Variants in PIK3CD observed in about 807,000 individuals in gnomAD.
PIK3CD encodes phosphatidylinositol-4,5-bisphosphate 3-kinase catalytic subunit delta.
In PIK3CD, 20 loss-of-function variants were observed where a neutral mutation model predicts 122.9. The observed-to-expected ratio is 0.16, with a 90% CI of 0.11 to 0.24. The LOEUF (loss-of-function observed/expected upper bound fraction) is 0.24, where lower values mean the gene tolerates loss of function less well. Among genes scored for constraint, PIK3CD ranks in the 10% least tolerant of loss-of-function variants. The pLI, the probability that PIK3CD is intolerant of heterozygous loss-of-function variation, is 1.00. For synonymous variants in PIK3CD, 596 were observed against 593.4 expected, an observed-to-expected ratio of 1.00 and a Z score of -0.06; for missense variants, 787 against 1,406.3, an observed-to-expected ratio of 0.56 and a Z score of 7.04.
intron 1 of PIK3CD, among the ~76,000 whole-genome samples, chr1:9,671,167 A>G (rs756348647): frequency 6.6e-6 from 1 of 152,094 alleles, no homozygotes; most frequent in South Asian, 2.1e-4. Context: ...TGGTGCAATC[A>G]TATCTCACTA....
chr1:9,688,858 T>G (rs978682929), intron 1 of PIK3CD, among the ~76,000 whole-genome samples: 6 of 151,698 alleles, frequency 4.0e-5, no homozygotes, highest in Non-Finnish European at 5.9e-5. Flanking sequence ...GCCCAGAGTT[T>G]TTTTTAAGTG....
the PIK3CD span, among the ~76,000 whole-genome samples, chr1:9,640,423 T>C: frequency 6.6e-6 from 1 of 151,550 alleles, no homozygotes; most frequent in East Asian, 1.9e-4. Context: ...CTCCTAAAAA[T>C]ACAAAAATTA....
In PIK3CD at chr1:9,689,808, G is replaced by C. The variant is rs1413715202; in HGVS notation, c.-137-1659G>C. The stretch of plus-strand genomic sequence containing the variant: ...GGCGTCCCACCCCGCCCAGCCCCGG[G>C]CTTTGTCCGCCTGGGGCGGGGTGGG... On this transcript the variant is annotated intron_variant, in intron 1 of 23. Transcript: ENST00000377346. This position sits in a 1 kb window ranked among gnomAD's most constrained non-coding sequence, Gnocchi z 6.1. Among the ~76,000 whole-genome samples the C allele has an allele frequency of 6.6e-6, 1 of 151,914 alleles. No homozygotes were observed. The highest frequency in any genetic ancestry group is 1.5e-5 in the Non-Finnish European group (1 of 67,872).
At chr1:9,693,271 C>G (rs371264287) in intron 2 of PIK3CD, among the ~76,000 whole-genome samples, 6 of 152,284 alleles carry the variant, frequency 3.9e-5, no homozygotes, top group Middle Eastern at 3.4e-3. Context: ...GTCACCCAGG[C>G]TGGAGTGCAG....
intron 1 of PIK3CD, among the ~76,000 whole-genome samples, chr1:9,660,315 C>T (rs1270736365): frequency 1.3e-5 from 2 of 152,200 alleles, no homozygotes. Flanking sequence ...TGGACAGAGA[C>T]CTGTTGAAGT....
rs1648827413 is a variant in PIK3CD at position 9,722,442 on chromosome 1, T to C, written c.2347+86T>C. The stretch of plus-strand genomic sequence containing the variant: ...TAGAGTGGGGGTGGAGAAGACAGAA[T>C]CCTGGGACTTAAGGGCTTGGGTGTA... On this transcript the variant is annotated intron_variant, in intron 18 of 23. Transcript: ENST00000377346. This position sits in a 1 kb window ranked among gnomAD's most constrained non-coding sequence, Gnocchi z 7.6. 2 of 1,540,192 alleles carry C rather than the reference T, an allele frequency of 1.3e-6. No individual in the cohort carries two copies. Among genetic ancestry groups the C allele is most frequent in the Non-Finnish European group, 1.8e-6 (2 of 1,114,062 alleles).
At chr1:9,627,836 A>G in the PIK3CD span, among the ~76,000 whole-genome samples, 1 of 152,200 alleles carries the variant, frequency 6.6e-6, no homozygotes, top group African/African-American at 2.4e-5. Context: ...GCTAAAGGCC[A>G]GGGGGCCTCT....
chr1:9,627,707 A>C, the PIK3CD span, among the ~76,000 whole-genome samples: 26 of 152,270 alleles, frequency 1.7e-4, no homozygotes, highest in Middle Eastern at 6.8e-3. Context: ...TCTCCTGCAC[A>C]AAGGGAAGGG....
chr1:9,674,364 G>T (rs1056171801), intron 1 of PIK3CD, among the ~76,000 whole-genome samples: 6 of 152,158 alleles, frequency 3.9e-5, no homozygotes, highest in African/African-American at 1.4e-4. Context: ...CCTGTGCCAG[G>T]CAGTGTACTG....
At chr1:9,699,966 T>A (rs1490879552) in intron 2 of PIK3CD, among the ~76,000 whole-genome samples, 1 of 152,148 alleles carries the variant, frequency 6.6e-6, no homozygotes, top group Non-Finnish European at 1.5e-5. Flanking sequence ...TTCTCTCACT[T>A]GAGCCTCAAC....
At chr1:9,713,765 T>C (rs930939193) in intron 3 of PIK3CD, among the ~76,000 whole-genome samples, 3 of 151,584 alleles carry the variant, frequency 2.0e-5, no homozygotes, top group Admixed American at 2.0e-4. Flanking sequence ...TAATTTTATT[T>C]TTTATTATTA....
chr1:9,632,894 C>G, the PIK3CD span, among the ~76,000 whole-genome samples: 2 of 148,286 alleles, frequency 1.3e-5, no homozygotes, highest in Non-Finnish European at 3.0e-5. Context: ...CAGAGTCTCG[C>G]TCTGTTGCCC....
Position 9,715,591 on chromosome 1 carries a change from C to A in PIK3CD, c.192C>A (p.Gly64=), listed in dbSNP as rs1351839783. ...QYEPLFHMLS[G]PEAYVFTCIN... is the part of the protein sequence containing the mutation. ...AGCCGCTCTTCCACATGCTCAGTGG[C>A]CCCGAGGCCTATGTGTTCACCTGCA... Residue 64 remains glycine (G), a synonymous_variant, in exon 4 of 24, where the codon GGC becomes GGA. Transcript: ENST00000377346. This position sits in a 1 kb window ranked among gnomAD's most constrained non-coding sequence, Gnocchi z 4.1. 5 of 1,613,694 alleles carry A rather than the reference C, an allele frequency of 3.1e-6. No individual in the cohort carries two copies. Among genetic ancestry groups the A allele is most frequent in the Admixed American group, 1.7e-5 (1 of 60,008 alleles).
chr1:9,674,033 G>A (rs1045610941), intron 1 of PIK3CD, among the ~76,000 whole-genome samples: 13 of 152,204 alleles, frequency 8.5e-5, no homozygotes, highest in African/African-American at 3.1e-4. Context: ...CATTGGCCAG[G>A]GTGTTTGGTA....
intron 1 of PIK3CD, chr1:9,654,157 G>T: frequency 7.6e-7 from 1 of 1,312,580 alleles, no homozygotes; most frequent in South Asian, 1.2e-5. Context: ...CCGCCCTTCA[G>T]CCCCTGTTCA....
At position 9,722,044 on chromosome 1, in the gene PIK3CD, C is replaced by T; in HGVS notation, c.2125C>T (p.Pro709Ser). The T allele has an allele frequency of 6.2e-7, 1 of 1,613,728 alleles. No homozygotes were observed. The highest frequency in any genetic ancestry group is 8.5e-7 in the Non-Finnish European group (1 of 1,180,020). The change falls in exon 17 of 24, where the codon CCC (proline) becomes TCC (serine). Residue 709 changes from proline (P) to serine (S), a missense_variant. Physicochemically the swap from Pro to Ser is moderately conservative, Grantham distance 74. Transcript: ENST00000377346. The surrounding 1 kb of genome is among the most constrained non-coding windows in gnomAD (Gnocchi z 7.6). ...GCTGAGCTCTCAGAAGACCCCCAAG[C>T]CCCAGACCAAGGAGCTGATGCACTT... is the stretch of plus-strand genomic sequence containing the variant. ...VKLSSQKTPKPQTKELMHLCM... is the reference protein window; with the variant it reads ...VKLSSQKTPKSQTKELMHLCM...
rs186788190 is a variant in PIK3CD at position 9,702,760 on chromosome 1, A to T, written c.-32-7664A>T. 6.6e-5 allele frequency among the ~76,000 whole-genome samples: 10 copies of T among 151,896 alleles called. No individual in the cohort carries two copies. In the East Asian group the frequency reaches 1.7e-3, roughly 26 times the overall value. On this transcript the variant is annotated intron_variant, in intron 2 of 23. Coordinates refer to ENST00000377346, the MANE Select transcript of PIK3CD (RefSeq NM_005026.5). The stretch of plus-strand genomic sequence containing the variant: ...GGTTTCGAACTCCTGACTTCAAGTG[A>T]TCCACCTGCCTCAGCCTCCCAAAGT...
chr1:9,661,750 A>T (rs1390735886), intron 1 of PIK3CD, among the ~76,000 whole-genome samples: 1 of 152,148 alleles, frequency 6.6e-6, no homozygotes, highest in Non-Finnish European at 1.5e-5. Context: ...TAATCCCAGC[A>T]CTTTGGGAGG....
At chr1:9,642,938 A>G in the PIK3CD span, among the ~76,000 whole-genome samples, 3 of 151,314 alleles carry the variant, frequency 2.0e-5, no homozygotes, top group South Asian at 2.1e-4. Context: ...AAATAAAAAA[A>G]TTAGCCGGGT....
Sources: allele counts gnomAD v4.1 joint callset (sites outside exome capture counted in the v4.1 genomes callset), GRCh38; gene constraint gnomAD v4.1.1; non-coding constraint Gnocchi (gnomAD v3.1); transcripts MANE v1.5; gene names NCBI Gene and HGNC (gene_info 2026-07-23, HGNC 2026-07-21).